Variants in COP1 observed in about 807,000 individuals in gnomAD.
COP1 encodes the protein E3 ubiquitin-protein ligase COP1.
COP1 carries 24 observed loss-of-function variants against 101.3 expected under a neutral mutation model. The observed-to-expected ratio is 0.24, with a 90% CI of 0.17 to 0.33. The LOEUF is 0.33. Among genes scored for constraint, COP1 ranks in the 10% least tolerant of loss-of-function variants. The probability of loss-of-function intolerance (pLI) is 1.00; values close to 1 mark genes in which losing one functional copy is unlikely to be tolerated. For missense variants in COP1, 663 were observed against 906.2 expected (o/e 0.73, Z 3.45); for synonymous variants, 347 against 341.9 (o/e 1.01, Z -0.17).
At position 176,165,865 on chromosome 1, in the gene COP1, A is replaced by C. The variant is rs186723844; in HGVS notation, c.566-1974T>G. ...ACCTTACACAAGAAAAGTGATTATAATCCAGATAAAGGAGAGAGCATGAAA... is the reference window on the plus strand; with the variant it reads ...ACCTTACACAAGAAAAGTGATTATACTCCAGATAAAGGAGAGAGCATGAAA... On this transcript the variant is annotated intron_variant, in intron 3 of 19. Transcript: ENST00000367669. 1.2e-3 allele frequency among the ~76,000 whole-genome samples: 177 copies of C among 152,306 alleles called. 3 individuals carry two copies. Among genetic ancestry groups the C allele is most frequent in the Admixed American group, 0.01 (154 of 15,300 alleles).
At chr1:176,165,361 CGTGTGTGTGTGTGT>C (rs34291468) in intron 3 of COP1, among the ~76,000 whole-genome samples, 117 of 132,142 alleles carry the variant, frequency 8.9e-4, no homozygotes, top group Admixed American at 2.5e-3. Context: ...AGATGTGTGT[CGTGTGTGTGTGTGT>C]GTGTGTGTGT....
chr1:175,995,459 C>T lies in COP1; in HGVS notation c.1730-5980G>A, dbSNP rs1006483093. On this transcript the variant is annotated intron_variant, in intron 15 of 19. Transcript: ENST00000367669. ...TCAAAAAAATTAATGAATCCAGGAG[C>T]TGGTTTTTTGAAAGGATCAACAAAA... Among the ~76,000 whole-genome samples, 40 of 152,178 alleles carry T rather than the reference C, an allele frequency of 2.6e-4. 1 individual carries two copies. The highest frequency in any genetic ancestry group is 2.1e-3 in the East Asian group (11 of 5,186).
intron 3 of COP1, among the ~76,000 whole-genome samples, chr1:176,175,640 G>C (rs1696827438): frequency 6.6e-6 from 1 of 152,086 alleles, no homozygotes; most frequent in Non-Finnish European, 1.5e-5. Context: ...GTTCCTAATA[G>C]GCCACAGACT....
At chr1:176,048,891 G>A (rs1671984286) in intron 11 of COP1, among the ~76,000 whole-genome samples, 1 of 151,400 alleles carries the variant, frequency 6.6e-6, no homozygotes, top group South Asian at 2.1e-4. Flanking sequence ...AAGAATTAAG[G>A]GCCGGGCGCG....
intron 11 of COP1, among the ~76,000 whole-genome samples, chr1:176,074,163 G>A: frequency 6.6e-6 from 1 of 152,168 alleles, no homozygotes; most frequent in East Asian, 1.9e-4. Context: ...CTGGCCTCAA[G>A]TGATCTGCCT....
At chr1:176,198,781 A>AG (rs1699974159) in intron 1 of COP1, among the ~76,000 whole-genome samples, 1 of 152,196 alleles carries the variant, frequency 6.6e-6, no homozygotes, top group Non-Finnish European at 1.5e-5. Flanking sequence ...TGCAATTTTA[A>AG]GGGAAAAAAT....
At chr1:176,097,322 C>CAAAATGGATAACACATATACTGG (rs1682579353) in intron 9 of COP1, among the ~76,000 whole-genome samples, 5 of 152,054 alleles carry the variant, frequency 3.3e-5, no homozygotes, top group African/African-American at 1.2e-4. Flanking sequence ...TCATGGAACA[C>CAAAATGGATAACACATATACTGG]CAGTAATTAA....
chr1:175,974,021 T>C lies in COP1; in HGVS notation c.2133+12922A>G, dbSNP rs181471387. On this transcript the variant is annotated intron_variant, in intron 18 of 19. Coordinates refer to ENST00000367669, the MANE Select transcript of COP1 (RefSeq NM_022457.7). Reference sequence around the variant, plus strand: ...GCTGGAGAGGGAGGTGGGGGCCTGATAAAGAAGGTTGTTAGATGTCACATA... The same window carrying C: ...GCTGGAGAGGGAGGTGGGGGCCTGACAAAGAAGGTTGTTAGATGTCACATA... 7.9e-5 allele frequency among the ~76,000 whole-genome samples: 12 copies of C among 152,238 alleles called. No individual in the cohort carries two copies. In the East Asian group the frequency reaches 2.1e-3, roughly 27 times the overall value.
chr1:175,991,806 G>A (rs184279838), intron 15 of COP1, among the ~76,000 whole-genome samples: 2 of 152,274 alleles, frequency 1.3e-5, no homozygotes, highest in East Asian at 1.9e-4. Flanking sequence ...CAATATCACT[G>A]TTTTCACCTC....
At chr1:176,079,586 G>A (rs550042052) in intron 11 of COP1, among the ~76,000 whole-genome samples, 47 of 151,372 alleles carry the variant, frequency 3.1e-4, no homozygotes, top group South Asian at 1.7e-3. Flanking sequence ...CCTCAGTGTC[G>A]TGCAATATAC....
intron 15 of COP1, among the ~76,000 whole-genome samples, chr1:175,989,867 G>C (rs1185914559): frequency 6.6e-6 from 1 of 151,936 alleles, no homozygotes; most frequent in East Asian, 1.9e-4. Flanking sequence ...GCAATTCAAC[G>C]ATCTTTACTA....
intron 15 of COP1, among the ~76,000 whole-genome samples, chr1:176,005,918 C>G (rs1475395986): frequency 5.9e-5 from 9 of 152,198 alleles, no homozygotes; most frequent in Non-Finnish European, 1.2e-4. Context: ...GACTTTCTGT[C>G]TCGTTGATCT....
At chr1:175,961,760 A>G (rs1161373604) in intron 18 of COP1, among the ~76,000 whole-genome samples, 1 of 151,934 alleles carries the variant, frequency 6.6e-6, no homozygotes. Context: ...AGAAGTAAGA[A>G]GAGAGTGATC....
intron 1 of COP1, among the ~76,000 whole-genome samples, chr1:176,189,003 A>G (rs989538638): frequency 1.3e-5 from 2 of 152,206 alleles, no homozygotes; most frequent in Non-Finnish European, 2.9e-5. Context: ...AACAAAATAC[A>G]TCAAACCACA....
At chr1:176,127,561 C>CTG (rs71129555) in intron 8 of COP1, among the ~76,000 whole-genome samples, 7,518 of 148,066 alleles carry the variant, frequency 0.051, 307 homozygotes, top group African/African-American at 0.1. Context: ...TAGTATTCTA[C>CTG]TGTGTGTGTG....
intron 16 of COP1, 63 bp downstream of exon 16, chr1:175,989,299 C>T (rs1246934106): frequency 4.9e-6 from 4 of 811,094 alleles, no homozygotes; most frequent in Non-Finnish European, 8.6e-6. Flanking sequence ...AGTGACATTA[C>T]AAGCTGGTAG....
intron 6 of COP1, among the ~76,000 whole-genome samples, chr1:176,141,734 T>C (rs1040067166): frequency 2.0e-5 from 3 of 146,546 alleles, no homozygotes; most frequent in Non-Finnish European, 3.0e-5. Context: ...CTTTTTCTTT[T>C]CTTTTTTTTT....
intron 9 of COP1, among the ~76,000 whole-genome samples, chr1:176,097,437 C>G (rs1682597397): frequency 6.6e-6 from 1 of 152,138 alleles, no homozygotes; most frequent in Non-Finnish European, 1.5e-5. Context: ...AAGGCTCCAC[C>G]TGGAGACCAT....
chr1:175,972,406 C>T (rs1414779135), intron 18 of COP1, among the ~76,000 whole-genome samples: 1 of 151,736 alleles, frequency 6.6e-6, no homozygotes, highest in Non-Finnish European at 1.5e-5. Context: ...TACCGAATAC[C>T]TACTTAACAC....
Sources: gnomAD v4.1 joint callset for allele counts (sites outside exome capture counted in the v4.1 genomes callset) on GRCh38, gnomAD v4.1.1 for gene constraint, MANE v1.5 for transcripts, NCBI Gene and HGNC (gene_info 2026-07-23, HGNC 2026-07-21) for gene names.